The following OXCT1 variants were observed in gnomAD, a reference collection of about 807,000 sequenced individuals.
OXCT1 encodes 3-oxoacid CoA-transferase 1, also known as succinyl-CoA:3-ketoacid coenzyme A transferase 1, mitochondrial.
A neutral mutation model predicts 69.6 loss-of-function variants in OXCT1; 27 were observed. That is an observed-to-expected ratio of 0.39 (90% CI 0.29 to 0.54). The LOEUF is 0.54. Among genes scored for constraint, OXCT1 ranks in the 20% least tolerant of loss-of-function variants. The pLI is 0.72. For missense variants in OXCT1, 437 were observed against 650.2 expected (o/e 0.67, Z 3.57); for synonymous variants, 202 against 217.8 (o/e 0.93, Z 0.64).
chr5:41,786,327 C>T (rs1051360485), intron 13 of OXCT1, among the ~76,000 whole-genome samples: 1 of 152,174 alleles, frequency 6.6e-6, no homozygotes, highest in Non-Finnish European at 1.5e-5. Context: ...TTACCAGTCT[C>T]CTGCTATGTA....
chr5:41,843,679 C>G (rs1748756468), intron 5 of OXCT1: 1 of 442,126 alleles, frequency 2.3e-6, no homozygotes, highest in African/African-American at 2.0e-5. Flanking sequence ...ATGTAGAACT[C>G]CATTCTCATC....
intron 7 of OXCT1, among the ~76,000 whole-genome samples, chr5:41,835,644 T>C (rs1293784711): frequency 1.3e-5 from 2 of 152,222 alleles, no homozygotes; most frequent in African/African-American, 4.8e-5. Flanking sequence ...ATTATATTTA[T>C]GTCATGATAA....
At chr5:41,742,696 T>G (rs1430931128) in intron 15 of OXCT1, among the ~76,000 whole-genome samples, 7 of 149,428 alleles carry the variant, frequency 4.7e-5, no homozygotes, top group Non-Finnish European at 8.9e-5. Context: ...AGTGTTCTCA[T>G]TGTTCAATTC....
chr5:41,734,306 T>A (rs946409224), intron 16 of OXCT1, among the ~76,000 whole-genome samples: 3 of 152,224 alleles, frequency 2.0e-5, no homozygotes, highest in African/African-American at 4.8e-5. Context: ...CATTTTTAAT[T>A]TTTTAAGTTA....
At chr5:41,803,242 G>A in intron 9 of OXCT1, 79 bp from the exon 10 acceptor site, 4 of 914,856 alleles carry the variant, frequency 4.4e-6, no homozygotes, top group Non-Finnish European at 5.4e-6. Context: ...ATACAGATCT[G>A]AACAGAAGCT....
chr5:41,829,990 G>C (rs993776023), intron 7 of OXCT1, among the ~76,000 whole-genome samples: 3 of 152,144 alleles, frequency 2.0e-5, no homozygotes, highest in Non-Finnish European at 4.4e-5. Flanking sequence ...CATTCAGTAT[G>C]CTTATGTTAG....
At chr5:41,818,988 C>T (rs1747393341) in intron 7 of OXCT1, among the ~76,000 whole-genome samples, 1 of 151,486 alleles carries the variant, frequency 6.6e-6, no homozygotes, top group Non-Finnish European at 1.5e-5. Context: ...TGCATAAGCC[C>T]TAATTATCAC....
At chr5:41,839,302 A>AC (rs762932274) in intron 7 of OXCT1, among the ~76,000 whole-genome samples, 12 of 152,324 alleles carry the variant, frequency 7.9e-5, no homozygotes, top group Non-Finnish European at 1.6e-4. Context: ...GGAAAGAAAT[A>AC]CTGGTTTCTG....
chr5:41,793,087 G>C (rs1182725271), intron 13 of OXCT1, among the ~76,000 whole-genome samples: 4 of 152,200 alleles, frequency 2.6e-5, no homozygotes, highest in South Asian at 2.1e-4. Flanking sequence ...AAATGAGCTA[G>C]ACTAACATGA....
At chr5:41,757,198 C>T (rs1472125508) in intron 14 of OXCT1, among the ~76,000 whole-genome samples, 1 of 152,080 alleles carries the variant, frequency 6.6e-6, no homozygotes, top group South Asian at 2.1e-4. Context: ...TCCCACTCAA[C>T]CTTTCTCGCT....
chr5:41,761,414 C>T (rs993030478), intron 14 of OXCT1, among the ~76,000 whole-genome samples: 1 of 151,980 alleles, frequency 6.6e-6, no homozygotes, highest in South Asian at 2.1e-4. Context: ...TTGGTGTATT[C>T]TTGGCACACA....
At chr5:41,763,245 A>C (rs747395554) in intron 13 of OXCT1, among the ~76,000 whole-genome samples, 3 of 152,096 alleles carry the variant, frequency 2.0e-5, no homozygotes, top group Non-Finnish European at 4.4e-5. Context: ...TATGAAGAAA[A>C]GAAGTAGTCA....
chr5:41,772,718 A>G (rs979576888), intron 13 of OXCT1, among the ~76,000 whole-genome samples: 1 of 152,208 alleles, frequency 6.6e-6, no homozygotes, highest in African/African-American at 2.4e-5. Flanking sequence ...CAGCAAATTG[A>G]TAACTCTGTG....
intron 7 of OXCT1, among the ~76,000 whole-genome samples, chr5:41,814,262 T>G (rs1037493842): frequency 1.3e-5 from 2 of 152,124 alleles, no homozygotes; most frequent in Non-Finnish European, 2.9e-5. Flanking sequence ...TGGGTCAGTG[T>G]CAACTGAATG....
chr5:41,827,317 C>T (rs1395451800), intron 7 of OXCT1, among the ~76,000 whole-genome samples: 1 of 152,196 alleles, frequency 6.6e-6, no homozygotes, highest in Non-Finnish European at 1.5e-5. Context: ...AGACTCAGGA[C>T]TTAATCCAAG....
intron 10 of OXCT1, among the ~76,000 whole-genome samples, chr5:41,802,796 T>G (rs1003695262): frequency 1.3e-5 from 2 of 152,048 alleles, no homozygotes; most frequent in African/African-American, 2.4e-5. Flanking sequence ...AATACAATAC[T>G]ACATTGCTTA....
At chr5:41,780,229 A>G (rs1745330934) in intron 13 of OXCT1, among the ~76,000 whole-genome samples, 2 of 152,316 alleles carry the variant, frequency 1.3e-5, no homozygotes, top group East Asian at 3.9e-4. Context: ...AAAATTTGAG[A>G]TGAAAAGGCA....
chr5:41,744,712 A>G (rs1416191128), intron 15 of OXCT1, among the ~76,000 whole-genome samples: 1 of 152,132 alleles, frequency 6.6e-6, no homozygotes, highest in Admixed American at 6.6e-5. Flanking sequence ...TTCTGCATCT[A>G]TTGAGATAAT....
At chr5:41,739,585 G>C in intron 15 of OXCT1, 94 bp from the exon 16 acceptor site, 3 of 922,156 alleles carry the variant, frequency 3.3e-6, no homozygotes, top group Non-Finnish European at 5.3e-6. Context: ...GTTCGACGAG[G>C]TCGGGTGTGG....
Sources: gnomAD v4.1 joint callset for allele counts (sites outside exome capture counted in the v4.1 genomes callset) on GRCh38, gnomAD v4.1.1 for gene constraint, MANE v1.5 for transcripts, NCBI Gene and HGNC (gene_info 2026-07-23, HGNC 2026-07-21) for gene names.